The following QKI variants were observed in gnomAD, a reference collection of about 807,000 sequenced individuals.
The protein encoded by QKI is KH domain-containing RNA-binding protein QKI.
QKI carries 10 observed loss-of-function variants against 39.0 expected under a neutral mutation model. The observed-to-expected ratio is 0.26, with a 90% CI of 0.16 to 0.43. QKI has a LOEUF of 0.43. Ranked by LOEUF, QKI falls within the 20% of genes least tolerant of loss-of-function variation. The pLI is 1.00. For synonymous variants in QKI, 204 were observed against 155.4 expected, an observed-to-expected ratio of 1.31 and a Z score of -2.33; for missense variants, 218 against 428.0, an observed-to-expected ratio of 0.51 and a Z score of 4.33.
At chr6:163,431,823 G>A in intron 1 of QKI, among the ~76,000 whole-genome samples, 1 of 77,718 alleles carries the variant, frequency 1.3e-5, no homozygotes, top group Non-Finnish European at 2.4e-5. Context: ...ACAAAAAACT[G>A]TTCTTATTAA....
At chr6:163,509,115 G>C (rs1779279428) in intron 3 of QKI, among the ~76,000 whole-genome samples, 1 of 152,130 alleles carries the variant, frequency 6.6e-6, no homozygotes, top group Non-Finnish European at 1.5e-5. Context: ...TCCAGCCTGG[G>C]TGACAGAGTG....
intron 4 of QKI, among the ~76,000 whole-genome samples, chr6:163,547,830 T>C (rs1449207907): frequency 6.6e-6 from 1 of 152,050 alleles, no homozygotes; most frequent in African/African-American, 2.4e-5. Context: ...CTCCTATCCA[T>C]TTTCTACTTG....
rs1481560396 is a variant in QKI at position 163,573,722 on chromosome 6, A to G, written c.*3012A>G. ...TTAGTTGGGATTTTACATAGCTTGCATTTTAATTCTTTGGTTCTTTGCTGT... is the reference window on the plus strand; with the variant it reads ...TTAGTTGGGATTTTACATAGCTTGCGTTTTAATTCTTTGGTTCTTTGCTGT... On this transcript the variant is annotated 3_prime_UTR_variant, in exon 8 of 8. Transcript: ENST00000361752. 6.6e-6 allele frequency: 1 copy of G among 152,202 alleles called. No individual in the cohort carries two copies. The highest frequency in any genetic ancestry group is 2.4e-5 in the African/African-American group (1 of 41,464). The allele number at this position is 152,202 out of a possible 1,614,324, so 9.4% of individuals were successfully genotyped here.
intron 1 of QKI, among the ~76,000 whole-genome samples, chr6:163,440,937 T>C (rs1789720989): frequency 6.6e-6 from 1 of 152,206 alleles, no homozygotes; most frequent in South Asian, 2.1e-4. Context: ...TTTTTACTTT[T>C]AGGAAATTAA....
intron 3 of QKI, among the ~76,000 whole-genome samples, chr6:163,524,090 A>G (rs1780322614): frequency 6.6e-6 from 1 of 152,116 alleles, no homozygotes; most frequent in African/African-American, 2.4e-5. Flanking sequence ...CTTGTGACAT[A>G]CTAATAGTCA....
At chr6:163,537,402 C>T (rs1273087474) in intron 4 of QKI, among the ~76,000 whole-genome samples, 1 of 152,202 alleles carries the variant, frequency 6.6e-6, no homozygotes, top group African/African-American at 2.4e-5. Flanking sequence ...TCCTTGCCAA[C>T]TCACTGTTAC....
In QKI at chr6:163,535,902, A is replaced by T. The variant is rs1781172554; in HGVS notation, c.546+777A>T. Among the ~76,000 whole-genome samples, 3 of 152,204 alleles carry T rather than the reference A, an allele frequency of 2.0e-5. No individual in the cohort carries two copies. The South Asian group carries it at 6.2e-4, about 32-fold the overall frequency. On this transcript the variant is annotated intron_variant, in intron 4 of 7. Coordinates refer to ENST00000361752, the MANE Select transcript of QKI (RefSeq NM_006775.3). ...AGCTGAGATTGCGCCACTATACTCC[A>T]GCCTGGGTGACAGAGTGAGACCCTG...
At chr6:163,534,735 C>T (rs958971957) in intron 3 of QKI, among the ~76,000 whole-genome samples, 1 of 152,176 alleles carries the variant, frequency 6.6e-6, no homozygotes, top group Non-Finnish European at 1.5e-5. Flanking sequence ...TGATCTTTAG[C>T]ATCTGGTTCT....
chr6:163,483,279 A>G (rs1171820684), intron 3 of QKI, among the ~76,000 whole-genome samples: 3 of 152,166 alleles, frequency 2.0e-5, no homozygotes, highest in South Asian at 2.1e-4. Context: ...CTGGATGTTG[A>G]TGGCATGTTG....
chr6:163,507,652 G>A (rs574937079), intron 3 of QKI, among the ~76,000 whole-genome samples: 24 of 152,122 alleles, frequency 1.6e-4, no homozygotes, highest in Non-Finnish European at 2.6e-4. Context: ...CTAAAGATGT[G>A]AACTAAGACC....
At chr6:163,501,054 A>G (rs1471587095) in intron 3 of QKI, among the ~76,000 whole-genome samples, 1 of 152,126 alleles carries the variant, frequency 6.6e-6, no homozygotes, top group African/African-American at 2.4e-5. Flanking sequence ...ACTTGGCAGT[A>G]TTTTTTATTT....
At chr6:163,531,549 G>A (rs1780851620) in intron 3 of QKI, among the ~76,000 whole-genome samples, 1 of 152,166 alleles carries the variant, frequency 6.6e-6, no homozygotes, top group Admixed American at 6.5e-5. Flanking sequence ...TGGATTGCAA[G>A]GAAATAAGTT....
Position 163,570,841 on chromosome 6 carries a change from G to T in QKI, c.*131G>T. On this transcript the variant is annotated 3_prime_UTR_variant, in exon 8 of 8. Coordinates refer to ENST00000361752, the MANE Select transcript of QKI (RefSeq NM_006775.3). ...AGCGAGCTGAGGCACTTGTCCGTTCGTCTTACCATCTAACCAAACAAAAGA... is the reference window on the plus strand; with the variant it reads ...AGCGAGCTGAGGCACTTGTCCGTTCTTCTTACCATCTAACCAAACAAAAGA... The T allele has an allele frequency of 4.1e-6, 5 of 1,213,316 alleles. No homozygotes were observed. The highest frequency in any genetic ancestry group is 3.4e-5 in the South Asian group (2 of 58,512). 75.2% of individuals were successfully genotyped at this position (1,213,316 alleles called of 1,614,324 possible).
intron 4 of QKI, among the ~76,000 whole-genome samples, chr6:163,557,270 G>A (rs1275131648): frequency 6.6e-6 from 1 of 152,170 alleles, no homozygotes; most frequent in African/African-American, 2.4e-5. Context: ...AAATCAGATG[G>A]ATGGTTAGGG....
chr6:163,568,504 C>G (rs1287396595), intron 7 of QKI: 2 of 985,188 alleles, frequency 2.0e-6, no homozygotes, highest in South Asian at 4.7e-5. Context: ...ATGCTCATTT[C>G]TTTTTTAGTA....
chr6:163,485,187 G>A (rs1777572215), intron 3 of QKI, among the ~76,000 whole-genome samples: 1 of 152,210 alleles, frequency 6.6e-6, no homozygotes. Flanking sequence ...TGCTAGAGGA[G>A]TAATTTTAGA....
chr6:163,543,592 C>T (rs1248253713), intron 4 of QKI, among the ~76,000 whole-genome samples: 1 of 151,982 alleles, frequency 6.6e-6, no homozygotes, highest in Admixed American at 6.6e-5. Context: ...ATGTGAGAGG[C>T]GTTTACTTAA....
Position 163,564,900 on chromosome 6 carries a change from T to G in QKI, c.934+1181T>G, listed in dbSNP as rs937974437. 44 of 1,375,896 alleles carry G rather than the reference T, an allele frequency of 3.2e-5. No individual in the cohort carries two copies. The African/African-American group carries it at 5.4e-4, about 17-fold the overall frequency. 85.2% of individuals were successfully genotyped at this position (1,375,896 alleles called of 1,614,324 possible). A position where few individuals can be genotyped will look rare whatever the true frequency, so the allele number is the denominator to read the frequency against. ...GGACTTTGATCTTTTAAGGTTTTTT[T>G]TCCCCAGCATTAATATTGATTTATA... On this transcript the variant is annotated intron_variant, in intron 6 of 7. Coordinates refer to ENST00000361752, the MANE Select transcript of QKI (RefSeq NM_006775.3).
chr6:163,549,240 T>C (rs991741382), intron 4 of QKI, among the ~76,000 whole-genome samples: 2 of 151,892 alleles, frequency 1.3e-5, no homozygotes, highest in Non-Finnish European at 2.9e-5. Context: ...ATGATGAAAT[T>C]TGAGCAGAGC....
Sources: allele counts gnomAD v4.1 joint callset (sites outside exome capture counted in the v4.1 genomes callset), GRCh38; gene constraint gnomAD v4.1.1; transcripts MANE v1.5; gene names NCBI Gene and HGNC (gene_info 2026-07-23, HGNC 2026-07-21).